The following EYA1 variants were observed in gnomAD, a reference collection of about 807,000 sequenced individuals.
The protein encoded by EYA1 is protein phosphatase EYA1.
EYA1 carries 16 observed loss-of-function variants against 82.0 expected under a neutral mutation model. The observed-to-expected ratio is 0.20, with a 90% confidence interval of 0.13 to 0.30. EYA1 has a LOEUF of 0.30. EYA1 is among the 10% of genes least tolerant of loss of function. The pLI is 1.00. For missense variants in EYA1, 633 were observed against 730.7 expected, an observed-to-expected ratio of 0.87 and a Z score of 1.54; for synonymous variants, 261 against 264.4, an observed-to-expected ratio of 0.99 and a Z score of 0.12.
intron 2 of EYA1, among the ~76,000 whole-genome samples, chr8:71,371,106 C>T (rs1177614209): frequency 6.6e-6 from 1 of 152,142 alleles, no homozygotes; most frequent in Non-Finnish European, 1.5e-5. Context: ...CTAGGTACTT[C>T]TGCAAGTGGA....
chr8:71,325,675 C>T (rs527257067), intron 4 of EYA1, among the ~76,000 whole-genome samples: 1 of 152,192 alleles, frequency 6.6e-6, no homozygotes, highest in African/African-American at 2.4e-5. Flanking sequence ...AGTAGTATAC[C>T]TTATGAAATA....
intron 2 of EYA1, among the ~76,000 whole-genome samples, chr8:71,504,620 T>C (rs1812051431): frequency 6.6e-6 from 1 of 152,236 alleles, no homozygotes; most frequent in East Asian, 1.9e-4. Context: ...TATTAGCTTT[T>C]GAATGTTAGC....
chr8:71,223,015 C>T (rs1001464873), intron 12 of EYA1, among the ~76,000 whole-genome samples: 6 of 152,198 alleles, frequency 3.9e-5, no homozygotes, highest in Non-Finnish European at 7.4e-5. Context: ...AGCCCCAACG[C>T]TTCATGTCAT....
intron 11 of EYA1, among the ~76,000 whole-genome samples, chr8:71,251,933 T>C (rs548951114): frequency 2.0e-5 from 3 of 152,264 alleles, no homozygotes; most frequent in African/African-American, 7.2e-5. Flanking sequence ...AATACTGAAA[T>C]GCCATTAAAT....
chr8:71,278,862 T>C (rs1817500730), intron 9 of EYA1, among the ~76,000 whole-genome samples: 1 of 152,176 alleles, frequency 6.6e-6, no homozygotes, highest in Non-Finnish European at 1.5e-5. Flanking sequence ...GCAAAGGAAG[T>C]AGAATACACA....
chr8:71,294,824 T>C (rs10089775), intron 9 of EYA1, among the ~76,000 whole-genome samples: 22,190 of 152,136 alleles, frequency 0.15, 1,788 homozygotes, highest in Non-Finnish European at 0.17. Context: ...ACAGACACTG[T>C]CTGACTTTAG....
chr8:71,294,337 T>G (rs1819351962), intron 9 of EYA1, among the ~76,000 whole-genome samples: 1 of 152,006 alleles, frequency 6.6e-6, no homozygotes, highest in Admixed American at 6.6e-5. Flanking sequence ...CGGGCGCCTG[T>G]AGTCCCAGCT....
intron 11 of EYA1, among the ~76,000 whole-genome samples, chr8:71,245,517 C>T (rs928718740): frequency 6.7e-5 from 10 of 149,984 alleles, no homozygotes; most frequent in Admixed American, 2.0e-4. Context: ...TGAGCCACTG[C>T]GCCCGGCCTA....
intron 2 of EYA1, among the ~76,000 whole-genome samples, chr8:71,370,124 C>T (rs945833404): frequency 1.3e-5 from 2 of 151,858 alleles, no homozygotes; most frequent in Non-Finnish European, 2.9e-5. Context: ...TCATATTTCC[C>T]TTTTAAATTC....
At chr8:71,354,946 A>T (rs1413844079) in intron 2 of EYA1, 37 bp from the exon 3 acceptor site, 1 of 1,607,368 alleles carries the variant, frequency 6.2e-7, no homozygotes, top group Non-Finnish European at 8.5e-7. Context: ...CAGATGTACC[A>T]AATTCATAAC....
intron 12 of EYA1, among the ~76,000 whole-genome samples, chr8:71,218,597 T>A (rs1277595016): frequency 1.3e-5 from 2 of 151,444 alleles, no homozygotes; most frequent in East Asian, 3.8e-4. Flanking sequence ...AAAGCAAGTC[T>A]AGGAGCCCTC....
At chr8:71,510,772 A>G (rs560525427) in intron 2 of EYA1, among the ~76,000 whole-genome samples, 1 of 152,302 alleles carries the variant, frequency 6.6e-6, no homozygotes, top group South Asian at 2.1e-4. Context: ...CTGACTGATG[A>G]TGGATTTTGA....
intron 12 of EYA1, among the ~76,000 whole-genome samples, chr8:71,230,516 C>G (rs993309214): frequency 1.3e-5 from 2 of 152,202 alleles, no homozygotes; most frequent in Admixed American, 1.3e-4. Flanking sequence ...TCTGTTGTCT[C>G]CCTTAACTCC....
At chr8:71,398,729 G>A (rs1443777356) in intron 2 of EYA1, among the ~76,000 whole-genome samples, 1 of 152,234 alleles carries the variant, frequency 6.6e-6, no homozygotes, top group East Asian at 1.9e-4. Flanking sequence ...TCCCATTTAG[G>A]CTACTTGGGG....
rs143025380 is a variant in EYA1, at chr8:71,534,690, G to A, written c.33+1054C>T. Among the ~76,000 whole-genome samples, 801 of 152,224 alleles carry A rather than the reference G, an allele frequency of 5.3e-3. 5 individuals are homozygous for A. The highest frequency in any genetic ancestry group is 0.011 in the South Asian group (55 of 4,826). ...CACTGCATGTTCTCACTCGTAAGTGGGAGCTGAACAATGAGAACACATGGA... is the reference window on the plus strand; with the variant it reads ...CACTGCATGTTCTCACTCGTAAGTGAGAGCTGAACAATGAGAACACATGGA... On this transcript the variant is annotated intron_variant, in intron 2 of 18. Transcript: ENST00000643681.
At chr8:71,525,555 T>C (rs1326574212) in intron 2 of EYA1, among the ~76,000 whole-genome samples, 1 of 152,218 alleles carries the variant, frequency 6.6e-6, no homozygotes, top group East Asian at 1.9e-4. Flanking sequence ...TTCATGTACA[T>C]AAGCTAAATT....
intron 2 of EYA1, among the ~76,000 whole-genome samples, chr8:71,431,853 C>A (rs1805641742): frequency 6.6e-6 from 1 of 152,144 alleles, no homozygotes; most frequent in Admixed American, 6.5e-5. Context: ...TAATCATAAC[C>A]TTCACAGGCT....
intron 1 of EYA1, 30 bp from the exon 2 acceptor site, chr8:71,356,541 T>C: frequency 9.0e-6 from 14 of 1,553,756 alleles, no homozygotes; most frequent in Non-Finnish European, 1.2e-5. Flanking sequence ...AATTAGAAGA[T>C]GTTGTTACTC....
At chr8:71,293,425 A>G (rs1287145749) in intron 9 of EYA1, among the ~76,000 whole-genome samples, 2 of 152,190 alleles carry the variant, frequency 1.3e-5, no homozygotes, top group Non-Finnish European at 2.9e-5. Context: ...ACATTTTGTA[A>G]TTCCATCAAT....
Sources: allele counts gnomAD v4.1 joint callset (sites outside exome capture counted in the v4.1 genomes callset), GRCh38; gene constraint gnomAD v4.1.1; transcripts MANE v1.5; gene names NCBI Gene and HGNC (gene_info 2026-07-23, HGNC 2026-07-21).